Variants in GALNT13 observed in about 807,000 individuals in gnomAD.
The protein encoded by GALNT13 is polypeptide N-acetylgalactosaminyltransferase 13, also known as UDP-GalNAc:polypeptide N-acetylgalactosaminyltransferase 13.
In GALNT13, 28 loss-of-function variants were observed where a neutral mutation model predicts 64.2. The observed-to-expected ratio is 0.44, with a 90% CI of 0.32 to 0.60. The LOEUF is 0.60. Ranked by LOEUF, GALNT13 falls within the 20% of genes least tolerant of loss-of-function variation. The pLI is 0.05. For synonymous variants in GALNT13, 214 were observed against 224.6 expected (o/e 0.95, Z 0.42); for missense variants, 577 against 669.8 (o/e 0.86, Z 1.53).
At chr2:153,128,493 T>G in the GALNT13 span, among the ~76,000 whole-genome samples, 1 of 151,982 alleles carries the variant, frequency 6.6e-6, no homozygotes, top group East Asian at 1.9e-4. Flanking sequence ...ACGTGGGAAT[T>G]ATGGGAGCTA....
At chr2:153,422,540 A>G in the GALNT13 span, among the ~76,000 whole-genome samples, 1 of 152,176 alleles carries the variant, frequency 6.6e-6, no homozygotes, top group African/African-American at 2.4e-5. Flanking sequence ...TCTTAGGCTA[A>G]GTGCTCTTAT....
the GALNT13 span, among the ~76,000 whole-genome samples, chr2:153,719,585 C>T: frequency 5.9e-5 from 9 of 152,194 alleles, no homozygotes; most frequent in South Asian, 8.3e-4. Context: ...AGACAGTGGG[C>T]GCAGGCCAGT....
the GALNT13 span, chr2:153,593,217 C>T: frequency 4.6e-5 from 7 of 152,326 alleles, no homozygotes; most frequent in Non-Finnish European, 7.3e-5. Flanking sequence ...TGTAAACAGA[C>T]TTGGGGCTGT....
At chr2:153,181,090 T>C in the GALNT13 span, among the ~76,000 whole-genome samples, 1 of 137,594 alleles carries the variant, frequency 7.3e-6, no homozygotes, top group Non-Finnish European at 1.5e-5. Flanking sequence ...TCCTGAGGTG[T>C]AATATTAAGT....
chr2:153,873,848 G>GTC (rs752475953), intron 1 of GALNT13, among the ~76,000 whole-genome samples: 2 of 150,868 alleles, frequency 1.3e-5, no homozygotes, highest in Admixed American at 1.3e-4. Flanking sequence ...CTTTTTCTGT[G>GTC]TCTCTCTCTC....
chr2:154,067,930 C>T (rs1700551791), intron 3 of GALNT13, among the ~76,000 whole-genome samples: 2 of 88,358 alleles, frequency 2.3e-5, no homozygotes, highest in South Asian at 9.3e-4. Flanking sequence ...GGGAAGACAA[C>T]CCACAGAATG....
intron 9 of GALNT13, among the ~76,000 whole-genome samples, chr2:154,391,597 A>C (rs1018679424): frequency 2.6e-5 from 4 of 152,320 alleles, no homozygotes; most frequent in Non-Finnish European, 5.9e-5. Flanking sequence ...TGCTTTTACC[A>C]GAGGGCAGAA....
At chr2:153,286,658 A>G in the GALNT13 span, among the ~76,000 whole-genome samples, 2 of 152,222 alleles carry the variant, frequency 1.3e-5, no homozygotes, top group Non-Finnish European at 2.9e-5. Flanking sequence ...AATATGAACA[A>G]TTTCAAAATA....
At chr2:154,369,798 G>A (rs759138763) in intron 9 of GALNT13, among the ~76,000 whole-genome samples, 6 of 152,124 alleles carry the variant, frequency 3.9e-5, no homozygotes, top group Non-Finnish European at 8.8e-5. Flanking sequence ...CCAAGATTAA[G>A]GTGTCAATGA....
the GALNT13 span, among the ~76,000 whole-genome samples, chr2:153,682,966 A>C: frequency 2.0e-5 from 3 of 151,762 alleles, no homozygotes; most frequent in Admixed American, 2.0e-4. Flanking sequence ...TTGTTTCTAA[A>C]TGTAGAGATC....
the GALNT13 span, among the ~76,000 whole-genome samples, chr2:153,620,165 C>A: frequency 2.0e-5 from 3 of 151,908 alleles, no homozygotes. Context: ...ATTCTGTCAC[C>A]CAGACTGGAG....
the GALNT13 span, among the ~76,000 whole-genome samples, chr2:153,848,925 A>T: frequency 2.0e-5 from 3 of 151,638 alleles, no homozygotes; most frequent in Admixed American, 2.0e-4. Flanking sequence ...TCTTCCAGAG[A>T]ATAGAAAATT....
the GALNT13 span, among the ~76,000 whole-genome samples, chr2:153,550,398 C>A: frequency 6.6e-6 from 1 of 150,878 alleles, no homozygotes; most frequent in African/African-American, 2.5e-5. Flanking sequence ...CCACACTCAG[C>A]TATTTTTTTT....
At chr2:153,402,353 C>T in the GALNT13 span, among the ~76,000 whole-genome samples, 1 of 150,608 alleles carries the variant, frequency 6.6e-6, no homozygotes, top group Admixed American at 6.6e-5. Flanking sequence ...CTCTGGCTGC[C>T]CTTAACATTT....
the GALNT13 span, among the ~76,000 whole-genome samples, chr2:153,695,619 C>A: frequency 6.6e-3 from 1,001 of 152,262 alleles, 8 homozygotes; most frequent in African/African-American, 0.023. Context: ...TGACCAATTT[C>A]ACTTTCAGAA....
intron 4 of GALNT13, among the ~76,000 whole-genome samples, chr2:154,170,159 A>T (rs1265333727): frequency 2.0e-5 from 3 of 152,180 alleles, no homozygotes; most frequent in East Asian, 1.9e-4. Flanking sequence ...GAAAAGAAAG[A>T]TTATTTGCCT....
chr2:154,366,867 C>A (rs911212089), intron 9 of GALNT13, among the ~76,000 whole-genome samples: 6 of 152,044 alleles, frequency 3.9e-5, no homozygotes, highest in African/African-American at 1.4e-4. Context: ...TTCCAAATGT[C>A]ACTTAAGGTA....
the GALNT13 span, among the ~76,000 whole-genome samples, chr2:153,549,353 A>C: frequency 6.6e-6 from 1 of 152,180 alleles, no homozygotes; most frequent in African/African-American, 2.4e-5. Context: ...CTGTTTTTTT[A>C]AGGAATGCAG....
At chr2:154,293,113 G>A (rs923871662) in intron 8 of GALNT13, among the ~76,000 whole-genome samples, 5 of 152,056 alleles carry the variant, frequency 3.3e-5, no homozygotes, top group African/African-American at 1.2e-4. Context: ...AAATTTACTT[G>A]AAAGAGATAA....
Sources: allele counts gnomAD v4.1 joint callset (sites outside exome capture counted in the v4.1 genomes callset), GRCh38; gene constraint gnomAD v4.1.1; transcripts MANE v1.5; gene names NCBI Gene and HGNC (gene_info 2026-07-23, HGNC 2026-07-21).